Variants in PAX3 observed in about 807,000 individuals in gnomAD.
The protein encoded by PAX3 is paired box protein Pax-3.
A neutral mutation model predicts 51.6 loss-of-function variants in PAX3; 14 were observed. The ratio of observed to expected loss-of-function variants is 0.27; its 90% CI spans 0.18 to 0.42. The LOEUF (loss-of-function observed/expected upper bound fraction) is 0.42. PAX3 is among the 10% of genes least tolerant of loss of function. PAX3 has a pLI of 1.00. For synonymous variants in PAX3, 280 were observed against 253.4 expected, an observed-to-expected ratio of 1.11 and a Z score of -1.00; for missense variants, 540 against 642.8, an observed-to-expected ratio of 0.84 and a Z score of 1.73.
At chr2:222,286,925 C>T (rs558922827) in intron 4 of PAX3, among the ~76,000 whole-genome samples, 24 of 152,328 alleles carry the variant, frequency 1.6e-4, no homozygotes, top group African/African-American at 5.1e-4. Flanking sequence ...ATTCTTCTCT[C>T]GTGAATTGAT....
intron 4 of PAX3, among the ~76,000 whole-genome samples, chr2:222,248,902 G>A (rs1370084411): frequency 6.6e-6 from 1 of 152,134 alleles, no homozygotes; most frequent in Non-Finnish European, 1.5e-5. Flanking sequence ...CTGATGGTAT[G>A]ATACAGCATT....
intron 3 of PAX3, 122 bp from the exon 4 acceptor site, chr2:222,294,423 C>T: frequency 9.6e-7 from 1 of 1,045,372 alleles, no homozygotes; most frequent in Non-Finnish European, 1.4e-6. Flanking sequence ...CCCTGCACTG[C>T]TCGCGGGTGT....
intron 4 of PAX3, among the ~76,000 whole-genome samples, chr2:222,286,371 A>G (rs981791879): frequency 6.6e-6 from 1 of 152,392 alleles, no homozygotes. Flanking sequence ...AGTACATAAG[A>G]AAGTATAGTC....
At chr2:222,202,933 G>A (rs1429391422) in intron 7 of PAX3, among the ~76,000 whole-genome samples, 3 of 144,742 alleles carry the variant, frequency 2.1e-5, no homozygotes, top group South Asian at 2.2e-4. Flanking sequence ...ATTAAGTGCC[G>A]AATGAATGAA....
In PAX3 at chr2:222,232,195, G is replaced by A; in HGVS notation, c.675C>T (p.Thr225=). The A allele has an allele frequency of 6.2e-7, 1 of 1,614,092 alleles. No homozygotes were observed. ...LKRKQRRSRT[T]FTAEQLEELE... is the part of the protein sequence containing the mutation. Reference sequence around the variant, plus strand: ...GTTCCTCCAGCTGTTCTGCTGTGAAGGTGGTTCGGCTTCTGCGCTGTTTCC... The same window carrying A: ...GTTCCTCCAGCTGTTCTGCTGTGAAAGTGGTTCGGCTTCTGCGCTGTTTCC... Residue 225 remains threonine (T), a synonymous_variant, in exon 5 of 9, where the codon ACC becomes ACT. Transcript: ENST00000392070.
At chr2:222,241,209 C>T (rs1472803421) in intron 4 of PAX3, among the ~76,000 whole-genome samples, 2 of 152,052 alleles carry the variant, frequency 1.3e-5, no homozygotes, top group East Asian at 1.9e-4. Flanking sequence ...CAGTAGTTCT[C>T]GTGAAAGGAA....
At chr2:222,203,222 C>T (rs1691377054) in intron 7 of PAX3, among the ~76,000 whole-genome samples, 1 of 150,838 alleles carries the variant, frequency 6.6e-6, no homozygotes, top group South Asian at 2.1e-4. Context: ...AGATCCCTGA[C>T]CCTTACAGCA....
In PAX3 at chr2:222,207,288, T is replaced by A. The variant is rs191022532; in HGVS notation, c.1174-5098A>T. Among the ~76,000 whole-genome samples the A allele has an allele frequency of 8.2e-4, 125 of 152,306 alleles. 1 individual carries two copies. The highest frequency in any genetic ancestry group is 7.4e-3 in the Admixed American group (113 of 15,284). ...TCCTCAGATTCAAATGCCTTAGGAATTATCCTGCAGTTGATTAGCATCTAA... is the reference window on the plus strand; with the variant it reads ...TCCTCAGATTCAAATGCCTTAGGAAATATCCTGCAGTTGATTAGCATCTAA... On this transcript the variant is annotated intron_variant, in intron 7 of 8. Coordinates refer to ENST00000392070, the MANE Select transcript of PAX3 (RefSeq NM_181458.4).
chr2:222,203,011 T>TTATATA (rs1454502969), intron 7 of PAX3, among the ~76,000 whole-genome samples: 1 of 40,888 alleles, frequency 2.4e-5, no homozygotes, highest in South Asian at 1.5e-3. Flanking sequence ...AACAACCATT[T>TTATATA]CATATATATA....
intron 4 of PAX3, among the ~76,000 whole-genome samples, chr2:222,272,885 A>G (rs1480694365): frequency 1.3e-5 from 2 of 152,158 alleles, no homozygotes; most frequent in African/African-American, 4.8e-5. Context: ...TGCCCTCACC[A>G]TGACACAGTC....
At chr2:222,231,983 T>G in intron 5 of PAX3, 95 bp downstream of exon 5, 2 of 1,120,798 alleles carry the variant, frequency 1.8e-6, no homozygotes, top group Non-Finnish European at 2.7e-6. Flanking sequence ...TCCTAATACA[T>G]TTTTGGGGGG....
chr2:222,258,235 C>T (rs1274001030), intron 4 of PAX3, among the ~76,000 whole-genome samples: 1 of 152,144 alleles, frequency 6.6e-6, no homozygotes, highest in African/African-American at 2.4e-5. Context: ...AGGAAGCAGT[C>T]ATGTTTTTAA....
At chr2:222,294,364 G>A in intron 3 of PAX3, 63 bp from the exon 4 acceptor site, 5 of 1,589,660 alleles carry the variant, frequency 3.1e-6, no homozygotes, top group South Asian at 1.1e-5. Flanking sequence ...AGGGCTGTGC[G>A]GGAAGGACCC....
rs751571864 is a variant in PAX3, at chr2:222,220,166, T to C, written c.1147A>G (p.Thr383Ala). 2 of 1,613,668 alleles carry C rather than the reference T, an allele frequency of 1.2e-6. No homozygotes were observed. The highest frequency in any genetic ancestry group is 4.5e-5 in the East Asian group (2 of 44,772). Residue 383 changes from threonine (T) to alanine (A), a missense_variant, in exon 7 of 9, where the codon ACC becomes GCC. Transcript: ENST00000392070. Reference sequence around the variant, plus strand: ...TGAGGTGAGAGGCCATTGCCAATGGTGGGGTTCATGGGGTTGGAGGGCCCC... The same window carrying C: ...TGAGGTGAGAGGCCATTGCCAATGGCGGGGTTCATGGGGTTGGAGGGCCCC... Reference protein sequence around the residue: ...PSGPSNPMNPTIGNGLSPQVM... With the variant: ...PSGPSNPMNPAIGNGLSPQVM...
chr2:222,238,688 G>A (rs749999918), intron 4 of PAX3, among the ~76,000 whole-genome samples: 2 of 152,076 alleles, frequency 1.3e-5, no homozygotes, highest in African/African-American at 4.8e-5. Context: ...TGGTCTTTTC[G>A]TCAGTTTTAA....
chr2:222,269,518 A>G (rs1159485698), intron 4 of PAX3, among the ~76,000 whole-genome samples: 1 of 152,200 alleles, frequency 6.6e-6, no homozygotes, highest in Non-Finnish European at 1.5e-5. Flanking sequence ...CTGGCCTGTG[A>G]CTTACTTTTC....
rs369837499 is a variant in PAX3 at position 222,274,842 on chromosome 2, G to C, written c.586+19325C>G. 5.9e-5 allele frequency among the ~76,000 whole-genome samples: 9 copies of C among 152,262 alleles called. No individual in the cohort carries two copies. In the South Asian group the frequency reaches 1.2e-3, roughly 21 times the overall value. Reference sequence around the variant, plus strand: ...CTATACAGTTATCTTGCTATTCAAAGTATATTAAACAAATTCACGCCATAT... The same window carrying C: ...CTATACAGTTATCTTGCTATTCAAACTATATTAAACAAATTCACGCCATAT... On this transcript the variant is annotated intron_variant, in intron 4 of 8. Coordinates refer to ENST00000392070, the MANE Select transcript of PAX3 (RefSeq NM_181458.4).
intron 4 of PAX3, among the ~76,000 whole-genome samples, chr2:222,290,901 C>T (rs1325502307): frequency 1.3e-5 from 2 of 149,564 alleles, no homozygotes; most frequent in Non-Finnish European, 3.0e-5. Flanking sequence ...AGAAATTTCA[C>T]TAATGTGAGC....
intron 4 of PAX3, among the ~76,000 whole-genome samples, chr2:222,283,040 C>T (rs1398807651): frequency 4.6e-5 from 7 of 152,216 alleles, no homozygotes. Flanking sequence ...AGCTAAATTC[C>T]ACCAAAGCTA....
Sources: allele counts gnomAD v4.1 joint callset (sites outside exome capture counted in the v4.1 genomes callset), GRCh38; gene constraint gnomAD v4.1.1; transcripts MANE v1.5; gene names NCBI Gene and HGNC (gene_info 2026-07-23, HGNC 2026-07-21).